The following NALCN variants were observed in gnomAD, a reference collection of about 807,000 sequenced individuals.
The protein encoded by NALCN is sodium leak channel NALCN.
In NALCN, 111 loss-of-function variants were observed where a neutral mutation model predicts 225.3. That is an observed-to-expected ratio of 0.49 (90% CI 0.42 to 0.58). The LOEUF is 0.58. NALCN is among the 20% of genes least tolerant of loss of function. NALCN has a pLI of 0.00. For synonymous variants in NALCN, 764 were observed against 769.0 expected (o/e 0.99, Z 0.11); for missense variants, 1,378 against 2,202.4 (o/e 0.63, Z 7.49).
chr13:101,120,932 T>C (rs548265843), intron 18 of NALCN, among the ~76,000 whole-genome samples: 5 of 152,174 alleles, frequency 3.3e-5, no homozygotes, highest in African/African-American at 1.2e-4. Flanking sequence ...CAGACCTCCA[T>C]CCTACAAACA....
intron 6 of NALCN, among the ~76,000 whole-genome samples, chr13:101,351,633 G>A (rs1594725717): frequency 6.6e-6 from 1 of 152,260 alleles, no homozygotes; most frequent in Admixed American, 6.5e-5. Flanking sequence ...TACCTTGGGA[G>A]ATTCACTTGA....
chr13:101,240,165 T>G (rs919338047), intron 11 of NALCN, among the ~76,000 whole-genome samples: 9 of 152,228 alleles, frequency 5.9e-5, no homozygotes, highest in African/African-American at 1.7e-4. Flanking sequence ...TGTTCACATA[T>G]GTCTACAACT....
At chr13:101,234,623 T>C (rs1330836719) in intron 12 of NALCN, among the ~76,000 whole-genome samples, 1 of 152,234 alleles carries the variant, frequency 6.6e-6, no homozygotes, top group Non-Finnish European at 1.5e-5. Context: ...AGATTTACTT[T>C]CTAGCCACAA....
At chr13:101,272,613 C>T (rs1410110442) in intron 10 of NALCN, among the ~76,000 whole-genome samples, 1 of 152,084 alleles carries the variant, frequency 6.6e-6, no homozygotes, top group East Asian at 1.9e-4. Context: ...TATCAAAATA[C>T]TGAAGTAATG....
chr13:101,165,669 T>C (rs545414502), intron 15 of NALCN, among the ~76,000 whole-genome samples: 56 of 152,334 alleles, frequency 3.7e-4, no homozygotes, highest in Admixed American at 3.1e-3. Flanking sequence ...AGAGACAGGG[T>C]GTTGCCACGT....
At chr13:101,102,269 C>T (rs1566814156) in intron 26 of NALCN, among the ~76,000 whole-genome samples, 1 of 149,034 alleles carries the variant, frequency 6.7e-6, no homozygotes, top group Admixed American at 6.6e-5. Context: ...GGCGACAGAG[C>T]AAGATTCTGT....
rs1308506598 is a variant in NALCN, at chr13:101,243,125, T to G, written c.1267-5203A>C. Among the ~76,000 whole-genome samples the G allele has an allele frequency of 2.0e-5, 2 of 100,702 alleles. 1 individual carries two copies. The highest frequency in any genetic ancestry group is 7.2e-5 in the African/African-American group (2 of 27,816). 66.1% of individuals were successfully genotyped at this position (100,702 alleles called of 152,430 possible). A position where few individuals can be genotyped will look rare whatever the true frequency, so the allele number is the denominator to read the frequency against. ...TTTTTTTTCATTTATGTAAGCTTTC[T>G]TCCGTTGTTTATGACAACTTTTCTT... On this transcript the variant is annotated intron_variant, in intron 11 of 43. Coordinates refer to ENST00000251127, the MANE Select transcript of NALCN (RefSeq NM_052867.4).
chr13:101,361,857 T>A (rs1485920972), intron 6 of NALCN, among the ~76,000 whole-genome samples: 1 of 152,180 alleles, frequency 6.6e-6, no homozygotes, highest in Non-Finnish European at 1.5e-5. Context: ...ATAAGTTACA[T>A]TTCTTTTAGA....
At chr13:101,139,031 A>G (rs2036938329) in intron 17 of NALCN, among the ~76,000 whole-genome samples, 2 of 152,124 alleles carry the variant, frequency 1.3e-5, no homozygotes, top group Admixed American at 6.5e-5. Flanking sequence ...GTCTCAAACG[A>G]CAGGCAGGAA....
At chr13:101,261,981 T>A (rs2042444130) in intron 10 of NALCN, among the ~76,000 whole-genome samples, 1 of 152,192 alleles carries the variant, frequency 6.6e-6, no homozygotes, top group Non-Finnish European at 1.5e-5. Context: ...TAGCTGTGGG[T>A]CTGTCATATA....
intron 7 of NALCN, among the ~76,000 whole-genome samples, chr13:101,298,128 T>C (rs1165838424): frequency 6.6e-6 from 1 of 152,226 alleles, no homozygotes; most frequent in Non-Finnish European, 1.5e-5. Flanking sequence ...AAACTCCAAA[T>C]AGATACTTAT....
intron 7 of NALCN, among the ~76,000 whole-genome samples, chr13:101,326,059 C>G (rs944715819): frequency 9.9e-5 from 15 of 152,140 alleles, no homozygotes; most frequent in Non-Finnish European, 1.9e-4. Context: ...TTTACAAAAA[C>G]TAAACAGCAA....
At chr13:101,108,133 T>C (rs1377059046) in intron 20 of NALCN, among the ~76,000 whole-genome samples, 1 of 149,248 alleles carries the variant, frequency 6.7e-6, no homozygotes, top group African/African-American at 2.4e-5. Context: ...TAAAGGTATA[T>C]ATTTACATTA....
Position 101,355,726 on chromosome 13 carries a change from C to A in NALCN, c.645-10306G>T, listed in dbSNP as rs1206663077. ...AATGGACATCTATAGAACTCTCAAC[C>A]CCAAATCAACAGAATATACATTCTT... On this transcript the variant is annotated intron_variant, in intron 6 of 43. Coordinates refer to ENST00000251127, the MANE Select transcript of NALCN (RefSeq NM_052867.4). Among the ~76,000 whole-genome samples, 3 of 152,140 alleles carry A rather than the reference C, an allele frequency of 2.0e-5. No homozygotes were observed. In the East Asian group the frequency reaches 5.8e-4, roughly 29 times the overall value.
chr13:101,110,013 T>C (rs2035346127), intron 20 of NALCN, among the ~76,000 whole-genome samples: 1 of 152,226 alleles, frequency 6.6e-6, no homozygotes, highest in Admixed American at 6.5e-5. Context: ...ATTCTAAAAT[T>C]TAAGCTCCAG....
At chr13:101,262,156 T>C (rs566604225) in intron 10 of NALCN, among the ~76,000 whole-genome samples, 2 of 152,364 alleles carry the variant, frequency 1.3e-5, no homozygotes, top group East Asian at 3.9e-4. Flanking sequence ...CATTCATTTA[T>C]TTGCATATGT....
At chr13:101,236,838 A>G (rs1022088511) in intron 12 of NALCN, among the ~76,000 whole-genome samples, 1 of 151,338 alleles carries the variant, frequency 6.6e-6, no homozygotes, top group African/African-American at 2.4e-5. Flanking sequence ...TGGGTGCAGC[A>G]CACCAGCATG....
intron 9 of NALCN, 85 bp downstream of exon 9, chr13:101,291,905 A>C: frequency 3.6e-5 from 49 of 1,345,662 alleles, no homozygotes; most frequent in Middle Eastern, 1.9e-4. Flanking sequence ...CCATCATGCA[A>C]GAGCTTCCCC....
At chr13:101,263,857 G>A (rs1414968211) in intron 10 of NALCN, among the ~76,000 whole-genome samples, 1 of 152,208 alleles carries the variant, frequency 6.6e-6, no homozygotes, top group African/African-American at 2.4e-5. Flanking sequence ...CAGCTTTAAA[G>A]TTAGAGCTAG....
Sources: allele counts gnomAD v4.1 joint callset (sites outside exome capture counted in the v4.1 genomes callset), GRCh38; gene constraint gnomAD v4.1.1; transcripts MANE v1.5; gene names NCBI Gene and HGNC (gene_info 2026-07-23, HGNC 2026-07-21).